LRP1B: variants seen among roughly 807,000 people sequenced by gnomAD.
The protein encoded by LRP1B is low-density lipoprotein receptor-related protein 1B.
A neutral mutation model predicts 556.6 loss-of-function variants in LRP1B; 217 were observed. That is an observed-to-expected ratio of 0.39 (90% confidence interval 0.35 to 0.44). The LOEUF (loss-of-function observed/expected upper bound fraction) is 0.44. LRP1B is among the 20% of genes least tolerant of loss of function. The pLI is 1.00. For missense variants in LRP1B, 5,053 were observed against 5,620.8 expected (o/e 0.90, Z 3.23); for synonymous variants, 2,047 against 1,865.8 (o/e 1.10, Z -2.50).
intron 3 of LRP1B, among the ~76,000 whole-genome samples, chr2:141,342,933 A>G (rs1246012777): frequency 6.6e-6 from 1 of 152,154 alleles, no homozygotes; most frequent in African/African-American, 2.4e-5. Context: ...AGATTCACCA[A>G]GGTTGACATG....
chr2:141,702,184 T>A (rs915765352), intron 2 of LRP1B, among the ~76,000 whole-genome samples: 9 of 151,854 alleles, frequency 5.9e-5, no homozygotes, highest in African/African-American at 2.2e-4. Flanking sequence ...GGAATGACCA[T>A]GGTTAGATCA....
intron 2 of LRP1B, among the ~76,000 whole-genome samples, chr2:141,490,568 C>A (rs1683295539): frequency 6.6e-6 from 1 of 151,782 alleles, no homozygotes; most frequent in South Asian, 2.1e-4. Flanking sequence ...TGGACATAGC[C>A]AAAAATTATT....
At chr2:141,504,414 G>A (rs1295714461) in intron 2 of LRP1B, among the ~76,000 whole-genome samples, 4 of 152,086 alleles carry the variant, frequency 2.6e-5, no homozygotes, top group African/African-American at 9.7e-5. Context: ...CAGAGGATGA[G>A]AGAAATGACT....
intron 1 of LRP1B, among the ~76,000 whole-genome samples, chr2:142,115,268 T>C (rs1707145569): frequency 6.7e-6 from 1 of 150,166 alleles, no homozygotes; most frequent in Non-Finnish European, 1.5e-5. Context: ...CAAGATGAGC[T>C]TGGAACATCT....
intron 1 of LRP1B, among the ~76,000 whole-genome samples, chr2:141,923,834 G>A (rs1233634796): frequency 6.6e-6 from 1 of 151,766 alleles, no homozygotes; most frequent in East Asian, 2.0e-4. Context: ...TTTAGCATTG[G>A]CAGCATAACC....
At chr2:141,526,540 C>T (rs1173383321) in intron 2 of LRP1B, among the ~76,000 whole-genome samples, 1 of 151,830 alleles carries the variant, frequency 6.6e-6, no homozygotes, top group Non-Finnish European at 1.5e-5. Flanking sequence ...TTTATTCTTC[C>T]TCTAGAGTGG....
chr2:141,297,573 G>A (rs1686229027), intron 3 of LRP1B, among the ~76,000 whole-genome samples: 2 of 152,102 alleles, frequency 1.3e-5, no homozygotes, highest in African/African-American at 4.8e-5. Context: ...CAGGCTACTA[G>A]ACACTAGTTC....
Position 140,485,361 on chromosome 2 carries a change from G to T in LRP1B, c.9407C>A (p.Ser3136Tyr), listed in dbSNP as rs1034853035. ...TACAAACCCAGCTTGAGGATCTAAA[G>T]ACAAGTCTCTGGGAAACTTCAGCCT... ...SKRLKFPRDLSLDPQAGYLYW... is the reference protein window; with the variant it reads ...SKRLKFPRDLYLDPQAGYLYW... The change falls in exon 59 of 91, where the codon TCT (serine) becomes TAT (tyrosine). Residue 3136 changes from serine (S) to tyrosine (Y), a missense_variant. Ser to Tyr is a moderately radical substitution (Grantham distance 144, BLOSUM62 -2). Transcript: ENST00000389484. The T allele has an allele frequency of 6.2e-7, 1 of 1,610,548 alleles. No homozygotes were observed. Among genetic ancestry groups the T allele is most frequent in the Non-Finnish European group, 8.5e-7 (1 of 1,178,854 alleles).
chr2:141,500,646 A>G (rs1683681503), intron 2 of LRP1B, among the ~76,000 whole-genome samples: 1 of 152,156 alleles, frequency 6.6e-6, no homozygotes, highest in Non-Finnish European at 1.5e-5. Flanking sequence ...AAATTAAAGT[A>G]TATGAAAGTT....
intron 29 of LRP1B, among the ~76,000 whole-genome samples, chr2:140,847,236 T>C (rs1055048431): frequency 2.0e-5 from 3 of 152,198 alleles, no homozygotes; most frequent in Non-Finnish European, 4.4e-5. Context: ...CTAAACACAG[T>C]AGCTAAAGTG....
intron 84 of LRP1B, among the ~76,000 whole-genome samples, chr2:140,282,319 A>T (rs2104967821): frequency 6.6e-6 from 1 of 151,926 alleles, no homozygotes; most frequent in Middle Eastern, 3.4e-3. Context: ...GTATAGTCAG[A>T]GGCATTAGAT....
intron 1 of LRP1B, among the ~76,000 whole-genome samples, chr2:141,962,226 T>A (rs1701420887): frequency 6.7e-6 from 1 of 149,328 alleles, no homozygotes; most frequent in Admixed American, 6.8e-5. Context: ...TCTTCATTCA[T>A]CAATCCTTCT....
intron 47 of LRP1B, among the ~76,000 whole-genome samples, chr2:140,526,814 G>A (rs2104972099): frequency 1.3e-5 from 2 of 151,720 alleles, no homozygotes; most frequent in Middle Eastern, 6.8e-3. Context: ...ATCCCAACCT[G>A]GTTGCCAAGA....
intron 49 of LRP1B, among the ~76,000 whole-genome samples, chr2:140,521,373 T>C (rs566298632): frequency 6.6e-6 from 1 of 152,152 alleles, no homozygotes; most frequent in African/African-American, 2.4e-5. Flanking sequence ...CCTTAAAATC[T>C]AGAAGAGATT....
intron 16 of LRP1B, among the ~76,000 whole-genome samples, chr2:140,991,186 C>T (rs996035439): frequency 6.6e-6 from 1 of 152,092 alleles, no homozygotes; most frequent in Non-Finnish European, 1.5e-5. Flanking sequence ...AGAGAGCCAA[C>T]AATTTAAAGT....
chr2:141,241,846 G>A (rs990878499), intron 5 of LRP1B, among the ~76,000 whole-genome samples: 8 of 151,438 alleles, frequency 5.3e-5, no homozygotes, highest in African/African-American at 9.7e-5. Flanking sequence ...TAGGTCTCAC[G>A]CACTATCATG....
At chr2:142,094,183 T>C (rs1479585439) in intron 1 of LRP1B, among the ~76,000 whole-genome samples, 1 of 152,118 alleles carries the variant, frequency 6.6e-6, no homozygotes. Context: ...CTTTTAACAC[T>C]ATCATATAGG....
At chr2:141,270,124 G>A (rs1438926941) in intron 3 of LRP1B, among the ~76,000 whole-genome samples, 2 of 151,982 alleles carry the variant, frequency 1.3e-5, no homozygotes, top group African/African-American at 4.8e-5. Context: ...TTAAAAATGG[G>A]CGAAGACTTC....
intron 23 of LRP1B, among the ~76,000 whole-genome samples, 196 bp from the exon 24 acceptor site, chr2:140,886,531 A>T (rs2105193347): frequency 6.6e-6 from 1 of 152,264 alleles, no homozygotes; most frequent in Admixed American, 6.5e-5. Flanking sequence ...AATAGGTATT[A>T]GGGAGTTTTT....
Sources: allele counts gnomAD v4.1 joint callset (sites outside exome capture counted in the v4.1 genomes callset), GRCh38; gene constraint gnomAD v4.1.1; transcripts MANE v1.5; gene names NCBI Gene and HGNC (gene_info 2026-07-23, HGNC 2026-07-21).